STARD13: variants seen among roughly 807,000 people sequenced by gnomAD.
The protein encoded by STARD13 is stAR-related lipid transfer protein 13.
Under a neutral mutation model 106.4 loss-of-function variants are expected in STARD13, and 62 were observed. The observed-to-expected ratio is 0.58, with a 90% CI of 0.48 to 0.72. The LOEUF (loss-of-function observed/expected upper bound fraction) is 0.72, where lower values mean the gene tolerates loss of function less well. STARD13 is among the 30% of genes least tolerant of loss of function. The pLI is 0.00. For missense variants in STARD13, 1,387 were observed against 1,424.0 expected, an observed-to-expected ratio of 0.97 and a Z score of 0.42; for synonymous variants, 565 against 553.0, an observed-to-expected ratio of 1.02 and a Z score of -0.31.
At chr13:33,597,638 G>C in the STARD13 span, among the ~76,000 whole-genome samples, 10 of 151,628 alleles carry the variant, frequency 6.6e-5, no homozygotes, top group African/African-American at 2.4e-4. Context: ...CTGAGGTCGG[G>C]AGTTCCAGAC....
At chr13:33,600,335 A>G in the STARD13 span, among the ~76,000 whole-genome samples, 48 of 152,258 alleles carry the variant, frequency 3.2e-4, no homozygotes, top group Admixed American at 1.3e-4. Flanking sequence ...GAAAGATAGT[A>G]TTAAGACAAT....
chr13:33,461,319 A>G, the STARD13 span, among the ~76,000 whole-genome samples: 1 of 152,228 alleles, frequency 6.6e-6, no homozygotes, highest in Non-Finnish European at 1.5e-5. Flanking sequence ...CTCTCTTGTA[A>G]AATCATAAAT....
chr13:33,581,907 G>A, the STARD13 span, among the ~76,000 whole-genome samples: 1 of 152,106 alleles, frequency 6.6e-6, no homozygotes, highest in Non-Finnish European at 1.5e-5. Context: ...TCATGAAACA[G>A]CACAGCAAAC....
At chr13:33,668,032 C>T in the STARD13 span, among the ~76,000 whole-genome samples, 26 of 152,332 alleles carry the variant, frequency 1.7e-4, no homozygotes, top group African/African-American at 6.3e-4. Flanking sequence ...TCCTTCACTT[C>T]CATTTTCTTT....
chr13:33,456,191 T>C, the STARD13 span, among the ~76,000 whole-genome samples: 1 of 152,064 alleles, frequency 6.6e-6, no homozygotes, highest in African/African-American at 2.4e-5. Context: ...TTTTCTTTTC[T>C]TTTCTTTTCT....
chr13:33,275,664 C>T (rs1346062566), intron 1 of STARD13: 1 of 152,178 alleles, frequency 6.6e-6, no homozygotes, highest in Non-Finnish European at 1.5e-5. Context: ...GACAACATCC[C>T]TAAGACATTC....
At chr13:33,631,542 T>C in the STARD13 span, among the ~76,000 whole-genome samples, 1 of 152,252 alleles carries the variant, frequency 6.6e-6, no homozygotes, top group Admixed American at 6.5e-5. Flanking sequence ...CTGATGCCTA[T>C]ACCTCATGGT....
the STARD13 span, among the ~76,000 whole-genome samples, chr13:33,428,542 T>G: frequency 6.6e-6 from 1 of 151,990 alleles, no homozygotes; most frequent in South Asian, 2.1e-4. Context: ...GACATACAAA[T>G]GGCCAACAGA....
chr13:33,625,440 C>T, the STARD13 span, among the ~76,000 whole-genome samples: 1 of 151,644 alleles, frequency 6.6e-6, no homozygotes, highest in Admixed American at 6.6e-5. Context: ...TGTGGTGGCA[C>T]ACGCCTGTAG....
intron 1 of STARD13, among the ~76,000 whole-genome samples, chr13:33,222,202 A>G (rs1283305566): frequency 2.0e-5 from 3 of 152,174 alleles, no homozygotes; most frequent in African/African-American, 7.2e-5. Flanking sequence ...GCTTGAGAAC[A>G]TTAGGCTAAG....
rs151330341 is a variant in STARD13 at position 33,110,898 on chromosome 13, C to T, written c.2617G>A (p.Glu873Lys). Residue 873 changes from glutamate (E) to lysine (K), a missense_variant, in exon 11 of 14, where the codon GAG becomes AAG. Coordinates refer to ENST00000336934, the MANE Select transcript of STARD13 (RefSeq NM_178006.4). ...ECDRLFEVPHELVAQSRNSYV... is the reference protein window; with the variant it reads ...ECDRLFEVPHKLVAQSRNSYV... Reference sequence around the variant, plus strand: ...GAGTTACGAGACTGGGCCACCAACTCGTGTGGAACCTAGACCAACGGATGC... The same window carrying T: ...GAGTTACGAGACTGGGCCACCAACTTGTGTGGAACCTAGACCAACGGATGC... 3.9e-5 allele frequency: 63 copies of T among 1,612,936 alleles called. No individual in the cohort carries two copies. The highest frequency in any genetic ancestry group is 3.2e-4 in the South Asian group (29 of 91,016).
intron 1 of STARD13, among the ~76,000 whole-genome samples, chr13:33,282,452 G>A (rs1891836878): frequency 1.3e-5 from 2 of 152,062 alleles, no homozygotes; most frequent in African/African-American, 4.8e-5. Flanking sequence ...CCCCATGAGT[G>A]TATCTGCTAT....
intron 1 of STARD13, among the ~76,000 whole-genome samples, chr13:33,340,200 A>G (rs903733489): frequency 3.3e-5 from 5 of 152,154 alleles, no homozygotes; most frequent in African/African-American, 1.2e-4. Context: ...ATTTATTTCC[A>G]ATGGAAAAAC....
chr13:33,543,288 G>T, the STARD13 span, among the ~76,000 whole-genome samples: 1 of 152,100 alleles, frequency 6.6e-6, no homozygotes, highest in African/African-American at 2.4e-5. Flanking sequence ...GTAAAAGCCT[G>T]CTGTGTATGT....
the STARD13 span, among the ~76,000 whole-genome samples, chr13:33,359,046 A>G: frequency 5.3e-5 from 8 of 152,326 alleles, no homozygotes; most frequent in East Asian, 1.4e-3. Context: ...GGGCTCTACC[A>G]ATCAGCAGGA....
chr13:33,662,752 A>G, the STARD13 span, among the ~76,000 whole-genome samples: 1 of 152,204 alleles, frequency 6.6e-6, no homozygotes, highest in African/African-American at 2.4e-5. Flanking sequence ...CAAGGTTAAA[A>G]CGAATTTTTA....
At chr13:33,405,264 C>T in the STARD13 span, among the ~76,000 whole-genome samples, 5 of 152,264 alleles carry the variant, frequency 3.3e-5, no homozygotes, top group African/African-American at 1.2e-4. Context: ...CTGAGAACCA[C>T]TGCTTTAGTG....
the STARD13 span, among the ~76,000 whole-genome samples, chr13:33,399,725 A>AG: frequency 7.4e-5 from 11 of 148,342 alleles, no homozygotes; most frequent in African/African-American, 2.2e-4. Context: ...AAAAAAAAAA[A>AG]GCATTAAAAT....
chr13:33,447,323 G>A, the STARD13 span, among the ~76,000 whole-genome samples: 1 of 152,354 alleles, frequency 6.6e-6, no homozygotes, highest in Admixed American at 6.5e-5. Context: ...CAAGCCAGCA[G>A]CTGAGCATGA....
Sources: allele counts gnomAD v4.1 joint callset (sites outside exome capture counted in the v4.1 genomes callset), GRCh38; gene constraint gnomAD v4.1.1; transcripts MANE v1.5; gene names NCBI Gene and HGNC (gene_info 2026-07-23, HGNC 2026-07-21).